Variants in CTNNA3 observed in about 807,000 individuals in gnomAD.
The protein encoded by CTNNA3 is catenin alpha 3, also known as catenin alpha-3.
A neutral mutation model predicts 95.7 loss-of-function variants in CTNNA3; 76 were observed. That is an observed-to-expected ratio of 0.79 (90% confidence interval 0.66 to 0.96). CTNNA3 has a LOEUF of 0.96. CTNNA3 is among the 40% of genes least tolerant of loss of function. The pLI is 0.00. For missense variants in CTNNA3, 1,191 were observed against 1,089.8 expected, an observed-to-expected ratio of 1.09 and a Z score of -1.31; for synonymous variants, 431 against 374.4, an observed-to-expected ratio of 1.15 and a Z score of -1.74.
chr10:67,126,091 T>A (rs1020476421), intron 7 of CTNNA3, among the ~76,000 whole-genome samples: 7 of 152,188 alleles, frequency 4.6e-5, no homozygotes, highest in African/African-American at 1.7e-4. Flanking sequence ...TCTTTCAGCA[T>A]AAAAGACATT....
At position 67,180,371 on chromosome 10, in the gene CTNNA3, T is replaced by C. The variant is rs1166003657; in HGVS notation, c.993A>G (p.Glu331=). Reference sequence around the variant, plus strand: ...GAAGAGCCTGGCGAATGGCGTTGCATTCTGCGATAATCCGCTCTCGGTGTA... The same window carrying C: ...GAAGAGCCTGGCGAATGGCGTTGCACTCTGCGATAATCCGCTCTCGGTGTA... The part of the protein sequence containing the change: ...RDLHRERIIA[E]CNAIRQALQD... The change falls in exon 7 of 18, where the codon GAA becomes GAG. Residue 331 remains glutamate (E), a synonymous_variant. Transcript: ENST00000433211. The C allele has an allele frequency of 6.2e-7, 1 of 1,613,792 alleles. No individual in the cohort carries two copies. Among genetic ancestry groups the C allele is most frequent in the East Asian group, 2.2e-5 (1 of 44,856 alleles).
At chr10:67,647,320 A>T in intron 2 of CTNNA3, 95 bp downstream of exon 2, 1 of 899,794 alleles carries the variant, frequency 1.1e-6, no homozygotes, top group Non-Finnish European at 1.6e-6. Context: ...TTTATATATA[A>T]AAATCAAATC....
chr10:66,628,145 G>A (rs117519161), intron 9 of CTNNA3, among the ~76,000 whole-genome samples: 2,748 of 152,080 alleles, frequency 0.018, 33 homozygotes, highest in South Asian at 0.048. Context: ...TAAATACCCC[G>A]AAAATAGCAT....
chr10:66,182,256 C>CTTTTT (rs570667950), intron 13 of CTNNA3, among the ~76,000 whole-genome samples: 4 of 134,550 alleles, frequency 3.0e-5, no homozygotes, highest in Non-Finnish European at 6.4e-5. Flanking sequence ...GGATACATTT[C>CTTTTT]TTTTTTTTTT....
intron 7 of CTNNA3, among the ~76,000 whole-genome samples, chr10:66,895,022 G>A (rs1036551463): frequency 1.9e-4 from 24 of 124,896 alleles, no homozygotes; most frequent in East Asian, 1.4e-3. Flanking sequence ...TGCCATTGGC[G>A]AGAGCTATAG....
chr10:66,441,213 A>G (rs528418957), intron 11 of CTNNA3, among the ~76,000 whole-genome samples: 4 of 139,006 alleles, frequency 2.9e-5, no homozygotes, highest in East Asian at 5.2e-4. Context: ...AATCAACACT[A>G]ATGGTTGCTT....
intron 12 of CTNNA3, among the ~76,000 whole-genome samples, chr10:66,373,924 T>C (rs1474033330): frequency 6.6e-6 from 1 of 152,246 alleles, no homozygotes; most frequent in East Asian, 1.9e-4. Flanking sequence ...GATCTAACTC[T>C]GGACAGTAAT....
At chr10:67,575,228 T>C (rs1842104697) in intron 3 of CTNNA3, among the ~76,000 whole-genome samples, 1 of 152,208 alleles carries the variant, frequency 6.6e-6, no homozygotes, top group Non-Finnish European at 1.5e-5. Flanking sequence ...ATCTTGATCA[T>C]AGCCTAAATT....
intron 11 of CTNNA3, among the ~76,000 whole-genome samples, chr10:66,447,274 C>A (rs2093429817): frequency 6.6e-6 from 1 of 151,972 alleles, no homozygotes. Flanking sequence ...GATTCCATGC[C>A]ATCCTCATCA....
chr10:67,018,248 G>T (rs1286789720), intron 7 of CTNNA3, among the ~76,000 whole-genome samples: 8 of 152,074 alleles, frequency 5.3e-5, no homozygotes, highest in Middle Eastern at 3.4e-3. Flanking sequence ...GAGCATAAAG[G>T]CATATGAGGC....
chr10:66,463,472 C>T (rs1029072784), intron 11 of CTNNA3, among the ~76,000 whole-genome samples: 29 of 152,242 alleles, frequency 1.9e-4, no homozygotes, highest in African/African-American at 4.3e-4. Context: ...ATCAATTACA[C>T]GCTCTCACAT....
chr10:66,480,269 T>C (rs1298441172), intron 11 of CTNNA3, among the ~76,000 whole-genome samples: 1 of 152,190 alleles, frequency 6.6e-6, no homozygotes, highest in Admixed American at 6.5e-5. Context: ...GGTGGCAAGA[T>C]AGAACAGTAT....
intron 11 of CTNNA3, among the ~76,000 whole-genome samples, chr10:66,484,830 A>G (rs1247572634): frequency 1.3e-5 from 2 of 152,120 alleles, no homozygotes; most frequent in African/African-American, 4.8e-5. Context: ...AAAAATCCTC[A>G]ACAAAATACT....
At chr10:67,756,701 G>C (rs11817113) in intron 1 of CTNNA3, among the ~76,000 whole-genome samples, 2,509 of 152,218 alleles carry the variant, frequency 0.016, 73 homozygotes, top group African/African-American at 0.058. Flanking sequence ...AGTGAAGAGT[G>C]GTTGCTTAAT....
At chr10:67,717,621 T>C (rs970070097) in intron 1 of CTNNA3, among the ~76,000 whole-genome samples, 6 of 152,282 alleles carry the variant, frequency 3.9e-5, no homozygotes, top group Non-Finnish European at 7.4e-5. Context: ...AATGATCAGA[T>C]GGTTGTAGAT....
intron 5 of CTNNA3, among the ~76,000 whole-genome samples, chr10:67,381,925 G>A (rs1843962501): frequency 1.3e-5 from 2 of 151,976 alleles, no homozygotes; most frequent in Admixed American, 6.6e-5. Context: ...ATCCAGCTCT[G>A]AGCATATTCA....
At chr10:66,282,067 C>T (rs552600078) in intron 12 of CTNNA3, among the ~76,000 whole-genome samples, 1 of 151,774 alleles carries the variant, frequency 6.6e-6, no homozygotes, top group Admixed American at 6.6e-5. Flanking sequence ...CTAGTGATTA[C>T]CATTTTGAAG....
chr10:66,351,953 T>G (rs1425739725), intron 12 of CTNNA3, among the ~76,000 whole-genome samples: 4 of 151,914 alleles, frequency 2.6e-5, no homozygotes, highest in African/African-American at 9.7e-5. Flanking sequence ...AACTTTAATT[T>G]TACTGTCCAG....
chr10:66,137,983 T>C (rs544829085), intron 13 of CTNNA3, among the ~76,000 whole-genome samples: 1 of 150,276 alleles, frequency 6.7e-6, no homozygotes, highest in East Asian at 1.9e-4. Context: ...CATAGATATA[T>C]AAATAACAAT....
Sources: gnomAD v4.1 joint callset for allele counts (sites outside exome capture counted in the v4.1 genomes callset) on GRCh38, gnomAD v4.1.1 for gene constraint, MANE v1.5 for transcripts, NCBI Gene and HGNC (gene_info 2026-07-23, HGNC 2026-07-21) for gene names.